Variants in PTPRD observed in about 807,000 individuals in gnomAD.
PTPRD encodes the protein protein tyrosine phosphatase receptor type D.
In PTPRD, 34 loss-of-function variants were observed where a neutral mutation model predicts 214.5. The ratio of observed to expected loss-of-function variants is 0.16; its 90% CI spans 0.12 to 0.21. The LOEUF is 0.21. Ranked by LOEUF, PTPRD falls within the 10% of genes least tolerant of loss-of-function variation. The pLI is 1.00. For missense variants in PTPRD, 2,545 were observed against 2,398.7 expected (o/e 1.06, Z -1.27); for synonymous variants, 1,128 against 845.7 (o/e 1.33, Z -5.79).
chr9:8,607,335 A>T (rs961401455), intron 14 of PTPRD, among the ~76,000 whole-genome samples: 2 of 152,180 alleles, frequency 1.3e-5, no homozygotes, highest in South Asian at 2.1e-4. Flanking sequence ...ACAGCAAATT[A>T]AAAAATTCAT....
chr9:9,651,826 G>GTTTTTTTTTTTTTTTTTTT (rs869105633), intron 7 of PTPRD, among the ~76,000 whole-genome samples: 1 of 55,064 alleles, frequency 1.8e-5, no homozygotes, highest in East Asian at 6.1e-4. Flanking sequence ...TTCAAGGTTT[G>GTTTTTTTTTTTTTTTTTTT]TTTTTTTTTT....
At chr9:8,616,556 C>T (rs2095617995) in intron 14 of PTPRD, among the ~76,000 whole-genome samples, 2 of 151,954 alleles carry the variant, frequency 1.3e-5, no homozygotes, top group South Asian at 2.1e-4. Context: ...GATAATAAAC[C>T]GTGGTCTGTG....
intron 9 of PTPRD, among the ~76,000 whole-genome samples, chr9:9,280,580 T>A (rs779030250): frequency 4.6e-5 from 7 of 151,230 alleles, no homozygotes; most frequent in Non-Finnish European, 7.4e-5. Context: ...AAAATATGTA[T>A]AAGATCCATA....
chr9:10,055,959 A>G (rs2097635526), intron 3 of PTPRD, among the ~76,000 whole-genome samples: 1 of 149,016 alleles, frequency 6.7e-6, no homozygotes, highest in African/African-American at 2.6e-5. Context: ...AATAAGATAA[A>G]GTAGCATCTA....
intron 3 of PTPRD, among the ~76,000 whole-genome samples, chr9:10,088,180 G>C (rs538865307): frequency 6.6e-6 from 1 of 151,678 alleles, no homozygotes; most frequent in African/African-American, 2.4e-5. Flanking sequence ...TATTGCAATA[G>C]CATCAGGCTA....
At chr9:9,518,733 A>G (rs1193038464) in intron 8 of PTPRD, among the ~76,000 whole-genome samples, 1 of 152,006 alleles carries the variant, frequency 6.6e-6, no homozygotes, top group Non-Finnish European at 1.5e-5. Flanking sequence ...TGCCAGTTTA[A>G]CAGAATGGAC....
chr9:9,147,358 T>A lies in PTPRD; in HGVS notation c.-143+35946A>T, dbSNP rs186641156. ...GGGGATTAATACTGTTATTCTTTTT[T>A]TAAAATTTTTATTCTATTTATTTAT... is the stretch of plus-strand genomic sequence containing the variant. On this transcript the variant is annotated intron_variant, in intron 10 of 45. Coordinates refer to ENST00000381196, the MANE Select transcript of PTPRD (RefSeq NM_002839.4). Among the ~76,000 whole-genome samples, 41 of 152,130 alleles carry A rather than the reference T, an allele frequency of 2.7e-4. No individual in the cohort carries two copies. In the East Asian group the frequency reaches 5.8e-3, roughly 22 times the overall value.
intron 3 of PTPRD, among the ~76,000 whole-genome samples, chr9:10,093,447 A>T (rs1463577099): frequency 6.6e-6 from 1 of 151,442 alleles, no homozygotes; most frequent in Non-Finnish European, 1.5e-5. Context: ...TCCAAAATTG[A>T]TAGATCCTGG....
At chr9:9,716,472 A>G (rs7027872) in intron 7 of PTPRD, among the ~76,000 whole-genome samples, 110,558 of 151,232 alleles carry the variant, frequency 0.73, 41,375 homozygotes, top group African/African-American at 0.87. Context: ...TCCCACCAAC[A>G]GTGTAAAAGT....
intron 7 of PTPRD, among the ~76,000 whole-genome samples, chr9:9,637,916 T>A (rs2095823625): frequency 6.6e-6 from 1 of 152,164 alleles, no homozygotes; most frequent in African/African-American, 2.4e-5. Context: ...AGATCTATAC[T>A]CTGTGAGCCT....
chr9:10,049,378 G>A (rs1322712700), intron 3 of PTPRD, among the ~76,000 whole-genome samples: 1 of 128,742 alleles, frequency 7.8e-6, no homozygotes, highest in African/African-American at 3.0e-5. Flanking sequence ...TGGATTAAAA[G>A]GAGAAGCAGC....
chr9:9,848,302 G>A (rs1565738954), intron 5 of PTPRD, among the ~76,000 whole-genome samples: 1 of 152,042 alleles, frequency 6.6e-6, no homozygotes, highest in Non-Finnish European at 1.5e-5. Flanking sequence ...CTATATCTTA[G>A]CTTGGGGGTT....
intron 14 of PTPRD, among the ~76,000 whole-genome samples, chr9:8,542,037 C>G (rs2078577304): frequency 6.6e-6 from 1 of 151,938 alleles, no homozygotes; most frequent in Non-Finnish European, 1.5e-5. Context: ...TGTCAAGCAT[C>G]CACATAAATT....
chr9:9,391,793 T>C (rs1176715990), intron 9 of PTPRD, among the ~76,000 whole-genome samples: 1 of 152,198 alleles, frequency 6.6e-6, no homozygotes, highest in East Asian at 1.9e-4. Flanking sequence ...GAAATGCCAC[T>C]GTATTTCTAT....
intron 9 of PTPRD, among the ~76,000 whole-genome samples, chr9:9,277,820 T>G (rs1320892088): frequency 6.6e-6 from 1 of 151,386 alleles, no homozygotes; most frequent in Non-Finnish European, 1.5e-5. Flanking sequence ...AACTAAACTT[T>G]ATAAATGATA....
intron 9 of PTPRD, among the ~76,000 whole-genome samples, chr9:9,380,049 G>C (rs79777779): frequency 6.6e-6 from 1 of 151,912 alleles, no homozygotes; most frequent in East Asian, 1.9e-4. Context: ...CTTCAAATGT[G>C]GTGTTTAAAG....
intron 11 of PTPRD, among the ~76,000 whole-genome samples, chr9:9,011,024 A>G (rs1336355909): frequency 2.6e-5 from 4 of 152,198 alleles, no homozygotes; most frequent in African/African-American, 9.6e-5. Context: ...CATATGTAGC[A>G]TGCTCATAAT....
intron 7 of PTPRD, among the ~76,000 whole-genome samples, chr9:9,649,377 G>T (rs1459922792): frequency 1.3e-5 from 2 of 152,038 alleles, no homozygotes; most frequent in African/African-American, 4.8e-5. Flanking sequence ...CAAAATCAGA[G>T]AAAAATTTGA....
intron 8 of PTPRD, among the ~76,000 whole-genome samples, chr9:9,457,036 C>G (rs1369457901): frequency 6.6e-6 from 1 of 151,934 alleles, no homozygotes; most frequent in Admixed American, 6.6e-5. Flanking sequence ...GGGCAACTCT[C>G]TCTGTAAGGA....
Sources: allele counts gnomAD v4.1 joint callset (sites outside exome capture counted in the v4.1 genomes callset), GRCh38; gene constraint gnomAD v4.1.1; transcripts MANE v1.5; gene names NCBI Gene and HGNC (gene_info 2026-07-23, HGNC 2026-07-21).